Variants in RPTOR observed in about 807,000 individuals in gnomAD.
The protein encoded by RPTOR is regulatory associated protein of MTOR complex 1.
Under a neutral mutation model 169.9 loss-of-function variants are expected in RPTOR, and 21 were observed. That is an observed-to-expected ratio of 0.12 (90% CI 0.09 to 0.18). The LOEUF is 0.18. Ranked by LOEUF, RPTOR falls within the 10% of genes least tolerant of loss-of-function variation. RPTOR has a pLI of 1.00. For synonymous variants in RPTOR, 732 were observed against 753.2 expected (o/e 0.97, Z 0.46); for missense variants, 1,133 against 1,855.9 (o/e 0.61, Z 7.16).
chr17:80,897,520 G>A (rs2068421738), intron 20 of RPTOR, among the ~76,000 whole-genome samples: 2 of 152,238 alleles, frequency 1.3e-5, no homozygotes, highest in Admixed American at 1.3e-4. Context: ...GTGCATGGCT[G>A]TTTGTTAGGG....
intron 2 of RPTOR, among the ~76,000 whole-genome samples, chr17:80,632,963 G>A (rs569111652): frequency 5.9e-5 from 9 of 151,782 alleles, no homozygotes; most frequent in Non-Finnish European, 1.3e-4. Context: ...CATCCCCCAC[G>A]CTTTTAAAAT....
chr17:80,597,651 C>T (rs1456489847), intron 1 of RPTOR, among the ~76,000 whole-genome samples: 1 of 148,580 alleles, frequency 6.7e-6, no homozygotes, highest in Non-Finnish European at 1.5e-5. Flanking sequence ...GCTGGAACTA[C>T]AGGCATGTAC....
chr17:80,881,895 A>G (rs1004929063), intron 14 of RPTOR, among the ~76,000 whole-genome samples: 5 of 152,268 alleles, frequency 3.3e-5, no homozygotes, highest in African/African-American at 1.2e-4. Context: ...CTGTCAAACC[A>G]TCAACCATTG....
At chr17:80,734,687 G>T (rs1006673819) in intron 5 of RPTOR, among the ~76,000 whole-genome samples, 3 of 152,162 alleles carry the variant, frequency 2.0e-5, no homozygotes, top group East Asian at 3.9e-4. Context: ...TGGGAGGCAG[G>T]AGGAAATGGG....
intron 5 of RPTOR, among the ~76,000 whole-genome samples, chr17:80,742,021 C>T (rs187006776): frequency 6.6e-6 from 1 of 152,242 alleles, no homozygotes; most frequent in East Asian, 1.9e-4. Context: ...ACGAGGAGGA[C>T]TGAGGATGGA....
chr17:80,623,991 C>T (rs1484893781), intron 1 of RPTOR, among the ~76,000 whole-genome samples: 1 of 152,120 alleles, frequency 6.6e-6, no homozygotes, highest in African/African-American at 2.4e-5. Context: ...ACACTGTACC[C>T]TCAAACTCCT....
In RPTOR at chr17:80,845,006, C is replaced by T. The variant is rs544834949; in HGVS notation, c.1213-1467C>T. ...TTTTTTTTTCTTTAATTCTTTGTAT[C>T]GGGGGCTCAGGGAAGGCAGAGCTGT... On this transcript the variant is annotated intron_variant, in intron 10 of 33. Transcript: ENST00000306801. This position sits in a 1 kb window ranked among gnomAD's most constrained non-coding sequence, Gnocchi z 5.4. Among the ~76,000 whole-genome samples the T allele has an allele frequency of 6.8e-6, 1 of 147,728 alleles. No individual in the cohort carries two copies.
intron 24 of RPTOR, among the ~76,000 whole-genome samples, chr17:80,925,763 T>G (rs2143990193): frequency 6.6e-6 from 1 of 152,270 alleles, no homozygotes; most frequent in African/African-American, 2.4e-5. Context: ...TCCCTAATGG[T>G]GAGGATCACT....
intron 7 of RPTOR, among the ~76,000 whole-genome samples, chr17:80,794,704 A>G (rs950960536): frequency 1.3e-5 from 2 of 152,360 alleles, no homozygotes; most frequent in African/African-American, 2.4e-5. Context: ...GTGCATCCGT[A>G]TGATGGAATT....
intron 3 of RPTOR, among the ~76,000 whole-genome samples, chr17:80,683,599 G>T (rs2065914033): frequency 6.6e-6 from 1 of 152,062 alleles, no homozygotes; most frequent in African/African-American, 2.4e-5. Flanking sequence ...TTTTCTGATT[G>T]TATGTTTTTC....
intron 1 of RPTOR, among the ~76,000 whole-genome samples, chr17:80,558,365 T>C (rs186393719): frequency 1.3e-5 from 2 of 152,304 alleles, no homozygotes; most frequent in East Asian, 3.9e-4. Flanking sequence ...AGAATTGTCA[T>C]GCCTTCAGAG....
intron 1 of RPTOR, among the ~76,000 whole-genome samples, chr17:80,617,840 G>A (rs1168931316): frequency 1.3e-5 from 2 of 152,134 alleles, no homozygotes; most frequent in East Asian, 1.9e-4. Flanking sequence ...AGGTAGAAGC[G>A]GTTCATTTAG....
intron 2 of RPTOR, among the ~76,000 whole-genome samples, chr17:80,638,606 T>C (rs1199066553): frequency 6.6e-6 from 1 of 152,022 alleles, no homozygotes; most frequent in African/African-American, 2.4e-5. Context: ...TCTCATTTTG[T>C]TGCCCAGGTT....
chr17:80,720,030 G>A (rs943786987), intron 4 of RPTOR, among the ~76,000 whole-genome samples: 1 of 152,056 alleles, frequency 6.6e-6, no homozygotes, highest in African/African-American at 2.4e-5. Flanking sequence ...GGCCGGGCAC[G>A]GTGGCTCACG....
At chr17:80,741,765 C>T (rs977583571) in intron 5 of RPTOR, among the ~76,000 whole-genome samples, 15 of 152,116 alleles carry the variant, frequency 9.9e-5, no homozygotes, top group African/African-American at 3.4e-4. Context: ...TGGCTGAAGC[C>T]ACGGGATGGT....
At chr17:80,767,199 C>A (rs1181307600) in intron 6 of RPTOR, among the ~76,000 whole-genome samples, 1 of 152,056 alleles carries the variant, frequency 6.6e-6, no homozygotes, top group Non-Finnish European at 1.5e-5. Context: ...ATAGCAAAAC[C>A]CCATCTCTAC....
intron 6 of RPTOR, among the ~76,000 whole-genome samples, chr17:80,780,360 G>A (rs986765287): frequency 3.3e-5 from 5 of 152,130 alleles, no homozygotes; most frequent in Non-Finnish European, 7.4e-5. Flanking sequence ...AGACAGGGAT[G>A]TACACGAAGT....
At chr17:80,940,383 C>T in intron 24 of RPTOR, 113 bp from the exon 25 acceptor site, 1 of 768,276 alleles carries the variant, frequency 1.3e-6, no homozygotes, top group East Asian at 2.7e-5. Flanking sequence ...GTATTGGGGA[C>T]TGAGCCGCGC....
intron 2 of RPTOR, 76 bp downstream of exon 2, chr17:80,625,869 G>A (rs779332259): frequency 2.9e-5 from 29 of 1,013,414 alleles, no homozygotes; most frequent in Non-Finnish European, 4.4e-5. Context: ...CGCCAAGCCT[G>A]TGGTCTGGTC....
Sources: gnomAD v4.1 joint callset for allele counts (sites outside exome capture counted in the v4.1 genomes callset) on GRCh38, gnomAD v4.1.1 for gene constraint, Gnocchi (gnomAD v3.1) non-coding constraint, MANE v1.5 for transcripts, NCBI Gene and HGNC (gene_info 2026-07-23, HGNC 2026-07-21) for gene names.